TXLNG: variants seen among roughly 807,000 people sequenced by gnomAD.
TXLNG encodes the protein gamma-taxilin.
TXLNG carries 5 observed loss-of-function variants against 38.8 expected under a neutral mutation model. The ratio of observed to expected loss-of-function variants is 0.13; its 90% CI spans 0.07 to 0.27. The LOEUF (loss-of-function observed/expected upper bound fraction) is 0.27. Among genes scored for constraint, TXLNG ranks in the 10% least tolerant of loss-of-function variants. The probability of loss-of-function intolerance (pLI) is 1.00; values close to 1 mark genes in which losing one functional copy is unlikely to be tolerated. For missense variants in TXLNG, 393 were observed against 398.2 expected, an observed-to-expected ratio of 0.99 and a Z score of 0.11; for synonymous variants, 182 against 158.2, an observed-to-expected ratio of 1.15 and a Z score of -1.13.
At chrX:16,820,653 G>T (rs369461031) in intron 3 of TXLNG, among the ~76,000 whole-genome samples, 27 of 112,644 alleles carry the variant, frequency 2.4e-4, no homozygotes, top group African/African-American at 8.7e-4. Flanking sequence ...GAAATCATCT[G>T]CTAAAACAAT....
At chrX:16,817,363 G>T (rs953568452) in intron 1 of TXLNG, among the ~76,000 whole-genome samples, 5 of 112,213 alleles carry the variant, frequency 4.5e-5, no homozygotes, top group African/African-American at 1.6e-4. Flanking sequence ...TGAAAGCACA[G>T]TACTGGATTT....
At chrX:16,811,222 T>C (rs1190917286) in intron 1 of TXLNG, among the ~76,000 whole-genome samples, 1 of 112,081 alleles carries the variant, frequency 8.9e-6, no homozygotes, top group Non-Finnish European at 1.9e-5. Flanking sequence ...TAACTACAAA[T>C]AGGAAGTGAT....
chrX:16,794,837 A>T (rs145166338), intron 1 of TXLNG, among the ~76,000 whole-genome samples: 428 of 112,072 alleles, frequency 3.8e-3, no homozygotes, highest in Non-Finnish European at 5.8e-3. Flanking sequence ...GGGCATTAAA[A>T]TCTTTGAATG....
intron 1 of TXLNG, among the ~76,000 whole-genome samples, chrX:16,811,069 C>T (rs1187210171): frequency 8.9e-6 from 1 of 111,807 alleles, no homozygotes; most frequent in Non-Finnish European, 1.9e-5. Context: ...TGTATGCTCC[C>T]CATCAGTTGG....
chrX:16,808,235 G>A (rs1218203011), intron 1 of TXLNG, among the ~76,000 whole-genome samples: 2 of 111,466 alleles, frequency 1.8e-5, no homozygotes, highest in African/African-American at 6.5e-5. Flanking sequence ...GCACAGTGTT[G>A]TGCTTCTCTA....
chrX:16,822,340 CAA>C (rs1220004254), intron 3 of TXLNG, among the ~76,000 whole-genome samples: 6 of 93,760 alleles, frequency 6.4e-5, no homozygotes, highest in Non-Finnish European at 4.3e-5. Flanking sequence ...GACTCTGACT[CAA>C]AAAAAAAAAA....
rs754710871 is a variant in TXLNG at position 16,842,113 on chromosome X, T to G, written c.*347T>G. On this transcript the variant is annotated 3_prime_UTR_variant, in exon 10 of 10. Transcript: ENST00000380122. ...AAGGGAACTTTGTTCTGACGATGGT[T>G]CCTTGATGTGAAAACAATATTAATT... 100 of 153,075 alleles carry G rather than the reference T, an allele frequency of 6.5e-4. No individual in the cohort carries two copies. The highest frequency in any genetic ancestry group is 3.0e-3 in the African/African-American group (94 of 31,570). 12.6% of individuals were successfully genotyped at this position (153,075 alleles called of 1,213,427 possible). A position where few individuals can be genotyped will look rare whatever the true frequency, so the allele number is the denominator to read the frequency against.
Position 16,843,150 on chromosome X carries a change from A to T in TXLNG, c.*1384A>T, listed in dbSNP as rs759113953. The T allele has an allele frequency of 3.5e-5, 4 of 112,722 alleles. No homozygotes were observed. Among genetic ancestry groups the T allele is most frequent in the African/African-American group, 1.3e-4 (4 of 31,134 alleles). 9.3% of individuals were successfully genotyped at this position (112,722 alleles called of 1,213,427 possible). On this transcript the variant is annotated 3_prime_UTR_variant, in exon 10 of 10. Coordinates refer to ENST00000380122, the MANE Select transcript of TXLNG (RefSeq NM_018360.3). ...ACTAGAACTGATGTTAGCACATTCC[A>T]CTGAGCAAAACTATCAGACTGACAC... is the stretch of plus-strand genomic sequence containing the variant.
At chrX:16,787,386 T>C (rs1477879186) in intron 1 of TXLNG, among the ~76,000 whole-genome samples, 1 of 111,810 alleles carries the variant, frequency 8.9e-6, no homozygotes. Context: ...CCCCTCTTTT[T>C]TTTCTTTCAT....
At chrX:16,807,673 G>C (rs1390935351) in intron 1 of TXLNG, among the ~76,000 whole-genome samples, 1 of 111,322 alleles carries the variant, frequency 9.0e-6, no homozygotes, top group Non-Finnish European at 1.9e-5. Flanking sequence ...TCTGAGGCAA[G>C]CTAAGGATGT....
At chrX:16,833,946 A>G (rs779475669) in intron 6 of TXLNG, among the ~76,000 whole-genome samples, 12 of 112,419 alleles carry the variant, frequency 1.1e-4, no homozygotes, top group African/African-American at 3.9e-4. Context: ...CACCCAGATA[A>G]TATCAAGATT....
intron 5 of TXLNG, among the ~76,000 whole-genome samples, chrX:16,830,830 CGTGTGTGTGTGTGTGT>C (rs1186714021): frequency 1.2e-3 from 46 of 37,934 alleles, no homozygotes; most frequent in Middle Eastern, 0.017. Context: ...ACCGTAATTC[CGTGTGTGTGTGTGTGT>C]GTGTGTGTGT....
At chrX:16,832,900 G>A (rs1461148076) in intron 6 of TXLNG, among the ~76,000 whole-genome samples, 158 bp downstream of exon 6, 1 of 112,338 alleles carries the variant, frequency 8.9e-6, no homozygotes, top group Non-Finnish European at 1.9e-5. Context: ...GCTGTAGATT[G>A]AGAAGAGAGT....
Position 16,832,680 on chromosome X carries a change from C to T in TXLNG, c.922C>T (p.Leu308=). The T allele has an allele frequency of 8.3e-7, 1 of 1,209,932 alleles. No homozygotes were observed. The highest frequency in any genetic ancestry group is 1.1e-6 in the Non-Finnish European group (1 of 894,772). The change falls in exon 6 of 10, where the codon CTG becomes TTG. Residue 308 remains leucine (L), a synonymous_variant. Transcript: ENST00000380122. ...GCAACAGCAGCTCGTGGATGCCAAA[C>T]TGCAGCAAACGACACAACTGATAAA... is the stretch of plus-strand genomic sequence containing the variant. ...ELQQQLVDAK[L]QQTTQLIKEA...
intron 1 of TXLNG, among the ~76,000 whole-genome samples, chrX:16,787,729 C>A (rs982620005): frequency 2.7e-5 from 3 of 111,765 alleles, no homozygotes; most frequent in Admixed American, 1.9e-4. Flanking sequence ...GGTGAACATA[C>A]TGAAACGTTC....
chrX:16,801,405 C>G (rs1228851898), intron 1 of TXLNG, among the ~76,000 whole-genome samples: 1 of 111,828 alleles, frequency 8.9e-6, no homozygotes, highest in Non-Finnish European at 1.9e-5. Context: ...AGGCTGGTCT[C>G]GAACTTCTGG....
intron 1 of TXLNG, among the ~76,000 whole-genome samples, chrX:16,795,212 G>A (rs760964449): frequency 1.7e-3 from 186 of 110,745 alleles, no homozygotes; most frequent in African/African-American, 5.9e-3. Flanking sequence ...GGGAGGCGGA[G>A]CTTGCAGCGA....
At chrX:16,834,164 C>A (rs1228158136) in intron 6 of TXLNG, 119 bp from the exon 7 acceptor site, 2 of 525,634 alleles carry the variant, frequency 3.8e-6, no homozygotes, top group African/African-American at 2.4e-5. Flanking sequence ...CAGACTGTTT[C>A]ATCTGTAGAC....
intron 1 of TXLNG, among the ~76,000 whole-genome samples, chrX:16,788,559 A>G (rs770996721): frequency 2.7e-5 from 3 of 111,313 alleles, no homozygotes; most frequent in Admixed American, 9.7e-5. Context: ...TAAGCCAGCT[A>G]TGGTGGCATG....
Sources: gnomAD v4.1 joint callset for allele counts (sites outside exome capture counted in the v4.1 genomes callset) on GRCh38, gnomAD v4.1.1 for gene constraint, MANE v1.5 for transcripts, NCBI Gene and HGNC (gene_info 2026-07-23, HGNC 2026-07-21) for gene names.